The following ANKRD55 variants were observed in gnomAD, a reference collection of about 807,000 sequenced individuals.
The protein encoded by ANKRD55 is ankyrin repeat domain 55, also known as ankyrin repeat domain-containing protein 55.
Under a neutral mutation model 60.6 loss-of-function variants are expected in ANKRD55, and 41 were observed. That is an observed-to-expected ratio of 0.68 (90% CI 0.53 to 0.88). The LOEUF (loss-of-function observed/expected upper bound fraction) is 0.88. ANKRD55 is among the 40% of genes least tolerant of loss of function. The pLI is 0.00. For missense variants in ANKRD55, 732 were observed against 767.6 expected, an observed-to-expected ratio of 0.95 and a Z score of 0.55; for synonymous variants, 264 against 290.3, an observed-to-expected ratio of 0.91 and a Z score of 0.92.
At chr5:56,112,699 C>T (rs1048898488) in intron 9 of ANKRD55, among the ~76,000 whole-genome samples, 1 of 152,012 alleles carries the variant, frequency 6.6e-6, no homozygotes, top group Non-Finnish European at 1.5e-5. Context: ...GTTTGTGTTC[C>T]TTAGAAAATT....
intron 2 of ANKRD55, among the ~76,000 whole-genome samples, chr5:56,228,562 A>G (rs1760174084): frequency 6.6e-6 from 1 of 151,872 alleles, no homozygotes. Flanking sequence ...AGTAGCTGGG[A>G]CTACAGGCGC....
chr5:56,141,737 A>G (rs1757774403), intron 7 of ANKRD55, among the ~76,000 whole-genome samples: 1 of 152,062 alleles, frequency 6.6e-6, no homozygotes, highest in Admixed American at 6.6e-5. Context: ...TGGTAAACAT[A>G]AAAAAAAGAG....
intron 6 of ANKRD55, chr5:56,146,895 T>C (rs1374109893): frequency 2.0e-5 from 3 of 152,194 alleles, no homozygotes; most frequent in African/African-American, 7.2e-5. Context: ...TATGCAGAAG[T>C]ATGATTTAGA....
chr5:56,179,045 T>G (rs912104563), intron 3 of ANKRD55, among the ~76,000 whole-genome samples: 1 of 152,114 alleles, frequency 6.6e-6, no homozygotes, highest in Non-Finnish European at 1.5e-5. Flanking sequence ...ACTTCCAAGT[T>G]TATTTCATAA....
chr5:56,194,698 T>C (rs1391034221), intron 2 of ANKRD55, among the ~76,000 whole-genome samples: 2 of 152,316 alleles, frequency 1.3e-5, no homozygotes, highest in Admixed American at 6.5e-5. Context: ...CTCAAAGTAT[T>C]CACAGCATTC....
intron 2 of ANKRD55, chr5:56,192,797 T>G: frequency 1.1e-6 from 1 of 897,040 alleles, no homozygotes; most frequent in Non-Finnish European, 1.7e-6. Context: ...TGAAAACCTC[T>G]ATTAGCAAGT....
chr5:56,205,975 T>C (rs11738290), intron 2 of ANKRD55, among the ~76,000 whole-genome samples: 3 of 102,934 alleles, frequency 2.9e-5, no homozygotes, highest in African/African-American at 2.4e-4. Context: ...TTCTTTCTTG[T>C]TTTTTTTTTT....
At chr5:56,193,020 A>G (rs1759138859) in intron 2 of ANKRD55, 1 of 982,016 alleles carries the variant, frequency 1.0e-6, no homozygotes, top group Non-Finnish European at 1.5e-6. Flanking sequence ...CATGAACATC[A>G]TTTAGAAGAT....
At chr5:56,144,353 A>G (rs1429914598) in intron 6 of ANKRD55, among the ~76,000 whole-genome samples, 1 of 152,228 alleles carries the variant, frequency 6.6e-6, no homozygotes, top group Non-Finnish European at 1.5e-5. Context: ...AGGACAGCCA[A>G]CACCAAGCAC....
intron 2 of ANKRD55, among the ~76,000 whole-genome samples, chr5:56,218,916 C>T (rs1759891093): frequency 6.6e-6 from 1 of 152,116 alleles, no homozygotes; most frequent in Non-Finnish European, 1.5e-5. Flanking sequence ...GAGTAAAAGG[C>T]ATACAAGTGT....
chr5:56,182,063 C>T (rs942487025), intron 3 of ANKRD55, among the ~76,000 whole-genome samples: 6 of 152,030 alleles, frequency 3.9e-5, no homozygotes, highest in Non-Finnish European at 5.9e-5. Flanking sequence ...GTTTTCTCAT[C>T]TCTTCTTTTT....
At chr5:56,135,865 G>A (rs1236267907) in intron 7 of ANKRD55, among the ~76,000 whole-genome samples, 2 of 152,100 alleles carry the variant, frequency 1.3e-5, no homozygotes, top group Non-Finnish European at 2.9e-5. Context: ...CAAGATTTCA[G>A]GATACAGGCT....
chr5:56,207,769 G>A (rs950802377), intron 2 of ANKRD55, among the ~76,000 whole-genome samples: 2 of 152,232 alleles, frequency 1.3e-5, no homozygotes, highest in Non-Finnish European at 2.9e-5. Flanking sequence ...CAATGAGTGA[G>A]TGGTGATTGA....
chr5:56,149,206 A>C (rs2111771296), intron 6 of ANKRD55, among the ~76,000 whole-genome samples: 1 of 152,306 alleles, frequency 6.6e-6, no homozygotes, highest in Non-Finnish European at 1.5e-5. Flanking sequence ...GAATTTCCTA[A>C]ACTGAGTAGA....
chr5:56,178,197 T>C (rs577564795), intron 3 of ANKRD55, among the ~76,000 whole-genome samples: 40 of 151,512 alleles, frequency 2.6e-4, no homozygotes, highest in Middle Eastern at 3.4e-3. Context: ...TTCTTTCTTT[T>C]TTTTTTTTTT....
chr5:56,106,420 CTTTTTTTT>C (rs71602938), intron 10 of ANKRD55, among the ~76,000 whole-genome samples: 92 of 96,888 alleles, frequency 9.5e-4, no homozygotes, highest in Admixed American at 9.0e-4. Context: ...GCTAGGAAAG[CTTTTTTTT>C]TTTTTTTTTT....
At chr5:56,187,285 A>T (rs1243886235) in intron 2 of ANKRD55, among the ~76,000 whole-genome samples, 1 of 152,220 alleles carries the variant, frequency 6.6e-6, no homozygotes, top group East Asian at 1.9e-4. Flanking sequence ...CCGACCAATC[A>T]GGTAGTAAAG....
At chr5:56,219,827 T>TA (rs1359700143) in intron 2 of ANKRD55, among the ~76,000 whole-genome samples, 2 of 152,290 alleles carry the variant, frequency 1.3e-5, no homozygotes, top group South Asian at 2.1e-4. Context: ...TGTTTTGTAA[T>TA]AAAAAAACAG....
chr5:56,139,509 TG>T (rs781050565), intron 7 of ANKRD55, among the ~76,000 whole-genome samples: 14 of 152,162 alleles, frequency 9.2e-5, no homozygotes, highest in Non-Finnish European at 1.6e-4. Context: ...GCAGATATTC[TG>T]TAGGCAGAAG....
Sources: gnomAD v4.1 joint callset for allele counts (sites outside exome capture counted in the v4.1 genomes callset) on GRCh38, gnomAD v4.1.1 for gene constraint, MANE v1.5 for transcripts, NCBI Gene and HGNC (gene_info 2026-07-23, HGNC 2026-07-21) for gene names.